Variants in FGF12 observed in about 807,000 individuals in gnomAD.
FGF12 encodes the protein fibroblast growth factor 12, also known as fibroblast growth factor 12B.
FGF12 carries 14 observed loss-of-function variants against 23.6 expected under a neutral mutation model. That is an observed-to-expected ratio of 0.59 (90% confidence interval 0.39 to 0.93). FGF12 has a LOEUF of 0.93. Among genes scored for constraint, FGF12 ranks in the 40% least tolerant of loss-of-function variants. The pLI, the probability that FGF12 is intolerant of heterozygous loss-of-function variation, is 0.00. For synonymous variants in FGF12, 62 were observed against 77.3 expected (o/e 0.80, Z 1.04); for missense variants, 175 against 217.8 (o/e 0.80, Z 1.24).
intron 5 of FGF12, among the ~76,000 whole-genome samples, chr3:192,167,765 A>AAT (rs1715288993): frequency 9.3e-5 from 3 of 32,376 alleles, no homozygotes; most frequent in Non-Finnish European, 1.8e-4. Context: ...ATATATATAT[A>AAT]TATAAAATTT....
intron 2 of FGF12, among the ~76,000 whole-genome samples, chr3:192,367,311 G>A (rs1264947550): frequency 2.0e-5 from 3 of 152,052 alleles, no homozygotes; most frequent in African/African-American, 7.2e-5. Context: ...AGCCTCTTTG[G>A]GTTTACAAAT....
chr3:192,706,429 G>A (rs1453274720), intron 2 of FGF12, among the ~76,000 whole-genome samples: 6 of 152,046 alleles, frequency 3.9e-5, no homozygotes, highest in South Asian at 2.1e-4. Context: ...TTAAGTCACC[G>A]ACTGACCGCC....
intron 2 of FGF12, among the ~76,000 whole-genome samples, chr3:192,522,183 G>C (rs1163821446): frequency 1.4e-5 from 2 of 142,436 alleles, no homozygotes; most frequent in East Asian, 4.2e-4. Flanking sequence ...GGGCGACAGA[G>C]CGAGACTCCG....
At chr3:192,603,177 T>C (rs1277131246) in intron 2 of FGF12, among the ~76,000 whole-genome samples, 1 of 152,176 alleles carries the variant, frequency 6.6e-6, no homozygotes, top group Non-Finnish European at 1.5e-5. Flanking sequence ...CTGGAAGTCC[T>C]AGCCAGAGCA....
At chr3:192,330,220 C>T (rs1339115499) in intron 4 of FGF12, among the ~76,000 whole-genome samples, 1 of 152,080 alleles carries the variant, frequency 6.6e-6, no homozygotes, top group Non-Finnish European at 1.5e-5. Flanking sequence ...TAATAGAAAA[C>T]TCCATTCCAA....
chr3:192,395,606 C>T (rs1295829308), intron 2 of FGF12, among the ~76,000 whole-genome samples: 2 of 152,194 alleles, frequency 1.3e-5, no homozygotes, highest in Non-Finnish European at 2.9e-5. Flanking sequence ...ATTGAAATGA[C>T]AGGGCGCTTG....
At chr3:192,236,235 T>C (rs913174478) in intron 4 of FGF12, among the ~76,000 whole-genome samples, 43 of 1,482 alleles carry the variant, frequency 0.029, no homozygotes, top group African/African-American at 0.17. Context: ...GCTTGTATGA[T>C]GTCATTTTTT....
rs952453373 is a variant in FGF12, at chr3:192,688,486, G to A, written c.13+38695C>T. 9.2e-5 allele frequency among the ~76,000 whole-genome samples: 14 copies of A among 152,316 alleles called. 1 individual carries two copies. In the East Asian group the frequency reaches 2.5e-3, roughly 27 times the overall value. On this transcript the variant is annotated intron_variant, in intron 2 of 5. Coordinates refer to ENST00000445105, the MANE Select transcript of FGF12 (RefSeq NM_004113.6). ...AGGCTACAAGAATTATGAAGAATCA[G>A]AGGAATATGAAACCAAAGGAACACA...
At chr3:192,356,451 G>A (rs769429265) in intron 3 of FGF12, among the ~76,000 whole-genome samples, 2 of 152,080 alleles carry the variant, frequency 1.3e-5, no homozygotes, top group African/African-American at 2.4e-5. Context: ...AAAATAATTA[G>A]CTTTTTAATT....
intron 2 of FGF12, among the ~76,000 whole-genome samples, chr3:192,660,321 G>A (rs1317350902): frequency 2.9e-5 from 4 of 138,978 alleles, no homozygotes; most frequent in African/African-American, 1.1e-4. Context: ...GAGAACACAC[G>A]GACACAAGAA....
intron 2 of FGF12, among the ~76,000 whole-genome samples, chr3:192,443,024 G>A (rs1722247949): frequency 6.6e-6 from 1 of 152,010 alleles, no homozygotes; most frequent in African/African-American, 2.4e-5. Context: ...GGCCAGGCTG[G>A]TCTTGAACTC....
chr3:192,391,119 C>A (rs1720275592), intron 2 of FGF12, among the ~76,000 whole-genome samples: 2 of 152,034 alleles, frequency 1.3e-5, no homozygotes, highest in Admixed American at 1.3e-4. Context: ...AAAGCATGAG[C>A]CGAAGGAGGA....
At position 192,350,940 on chromosome 3, in the gene FGF12, C is replaced by A. The variant is rs753305684; in HGVS notation, c.124+9488G>T. Reference sequence around the variant, plus strand: ...AAAGAGACCAGTTAGAGAGTTATTGCAAGAGTCCATACAAAGAGGATAGTA... The same window carrying A: ...AAAGAGACCAGTTAGAGAGTTATTGAAAGAGTCCATACAAAGAGGATAGTA... On this transcript the variant is annotated intron_variant, in intron 3 of 5. Transcript: ENST00000445105. Among the ~76,000 whole-genome samples the A allele has an allele frequency of 4.8e-4, 73 of 152,066 alleles. 1 individual carries two copies. Among genetic ancestry groups the A allele is most frequent in the Non-Finnish European group, 1.0e-3 (68 of 67,990 alleles).
intron 2 of FGF12, among the ~76,000 whole-genome samples, chr3:192,658,205 G>T (rs967849524): frequency 6.6e-6 from 1 of 152,176 alleles, no homozygotes; most frequent in Admixed American, 6.5e-5. Context: ...CATTGAAATA[G>T]ATTTTCTATA....
chr3:192,695,733 G>A (rs1718098410), intron 2 of FGF12, among the ~76,000 whole-genome samples: 1 of 152,102 alleles, frequency 6.6e-6, no homozygotes, highest in Admixed American at 6.6e-5. Flanking sequence ...TGTTTACCCA[G>A]CAGACTAAGT....
intron 2 of FGF12, among the ~76,000 whole-genome samples, chr3:192,472,723 C>G (rs1723208337): frequency 6.6e-6 from 1 of 152,168 alleles, no homozygotes; most frequent in African/African-American, 2.4e-5. Context: ...TTCTCTAATT[C>G]TCTTGCTCTC....
At chr3:192,686,777 C>T (rs1437907517) in intron 2 of FGF12, among the ~76,000 whole-genome samples, 1 of 137,382 alleles carries the variant, frequency 7.3e-6, no homozygotes, top group South Asian at 2.4e-4. Context: ...TAATCGAGAA[C>T]TTAAAGTACA....
At chr3:192,340,703 G>C (rs2108707919) in intron 3 of FGF12, among the ~76,000 whole-genome samples, 1 of 152,220 alleles carries the variant, frequency 6.6e-6, no homozygotes, top group East Asian at 1.9e-4. Context: ...AAAAGGTAAT[G>C]AAGAGAAAGT....
intron 4 of FGF12, among the ~76,000 whole-genome samples, chr3:192,326,562 C>T (rs1157261012): frequency 6.6e-6 from 1 of 152,126 alleles, no homozygotes; most frequent in Non-Finnish European, 1.5e-5. Context: ...TCTGCTTGCA[C>T]CAAGGCAATA....
Sources: gnomAD v4.1 joint callset for allele counts (sites outside exome capture counted in the v4.1 genomes callset) on GRCh38, gnomAD v4.1.1 for gene constraint, MANE v1.5 for transcripts, NCBI Gene and HGNC (gene_info 2026-07-23, HGNC 2026-07-21) for gene names.